Variants in PIAS2 observed in about 807,000 individuals in gnomAD.
PIAS2 encodes the protein E3 SUMO-protein ligase PIAS2.
Under a neutral mutation model 69.7 loss-of-function variants are expected in PIAS2, and 19 were observed. The ratio of observed to expected loss-of-function variants is 0.27; its 90% confidence interval spans 0.19 to 0.40. PIAS2 has a LOEUF of 0.40. Among genes scored for constraint, PIAS2 ranks in the 10% least tolerant of loss-of-function variants. The probability of loss-of-function intolerance (pLI) is 1.00; values close to 1 mark genes in which losing one functional copy is unlikely to be tolerated. For synonymous variants in PIAS2, 261 were observed against 263.2 expected (o/e 0.99, Z 0.08); for missense variants, 624 against 757.0 (o/e 0.82, Z 2.06).
At chr18:46,864,321 G>C in intron 2 of PIAS2, 73 bp from the exon 3 acceptor site, 1 of 999,298 alleles carries the variant, frequency 1.0e-6, no homozygotes. Flanking sequence ...GCAATAACCA[G>C]GCATTTTTTA....
chr18:46,898,288 C>T (rs1014967114), intron 1 of PIAS2, among the ~76,000 whole-genome samples: 8 of 152,180 alleles, frequency 5.3e-5, no homozygotes, highest in African/African-American at 1.7e-4. Context: ...CTTGGGATTA[C>T]TGGCACACAC....
At chr18:46,820,810 G>A (rs893584759) in intron 12 of PIAS2, 123 bp downstream of exon 12, 12 of 785,436 alleles carry the variant, frequency 1.5e-5, no homozygotes, top group Admixed American at 8.9e-5. Context: ...ACCTTTACCC[G>A]AAGCTTTCAA....
chr18:46,852,972 T>G (rs1468208486), intron 5 of PIAS2: 1 of 151,980 alleles, frequency 6.6e-6, no homozygotes, highest in Non-Finnish European at 1.5e-5. Context: ...GCAATGAGAG[T>G]CAAAGGTCAA....
chr18:46,825,007 TA>T (rs543217727), intron 11 of PIAS2, among the ~76,000 whole-genome samples: 11,063 of 138,174 alleles, frequency 0.08, 396 homozygotes, highest in Non-Finnish European at 0.091. Context: ...CTCAAAAAAT[TA>T]AAAAAAAAAA....
At chr18:46,817,489 G>T in intron 12 of PIAS2, 1 of 946,844 alleles carries the variant, frequency 1.1e-6, no homozygotes, top group Non-Finnish European at 1.3e-6. Context: ...CAGTTCTTCA[G>T]ATGTACTGTA....
At chr18:46,828,788 A>ATGTT (rs879599815) in intron 10 of PIAS2, among the ~76,000 whole-genome samples, 15 of 152,240 alleles carry the variant, frequency 9.9e-5, no homozygotes, top group Admixed American at 9.8e-4. Flanking sequence ...CATATTTGTT[A>ATGTT]ACTCACATTT....
chr18:46,850,995 A>C (rs1332328814), intron 5 of PIAS2, among the ~76,000 whole-genome samples: 2 of 152,226 alleles, frequency 1.3e-5, no homozygotes, highest in Non-Finnish European at 2.9e-5. Context: ...AGTCTACTAT[A>C]ATCATTATTC....
intron 3 of PIAS2, among the ~76,000 whole-genome samples, chr18:46,861,256 A>G (rs1047115454): frequency 6.6e-6 from 1 of 152,192 alleles, no homozygotes; most frequent in African/African-American, 2.4e-5. Context: ...AAACAAACAA[A>G]ATGAATGAAT....
chr18:46,907,969 G>A (rs1568889004), intron 1 of PIAS2: 1 of 152,180 alleles, frequency 6.6e-6, no homozygotes, highest in Non-Finnish European at 1.5e-5. Context: ...GCTTTTGGAA[G>A]AATGAGGTGA....
chr18:46,855,997 GTTT>G (rs1171297653), intron 3 of PIAS2, among the ~76,000 whole-genome samples: 3 of 67,966 alleles, frequency 4.4e-5, no homozygotes, highest in African/African-American at 1.2e-4. Context: ...TTTTTCTTTT[GTTT>G]TTTTTTTTTT....
Position 46,890,922 on chromosome 18 carries a change from C to G in PIAS2, c.157G>C (p.Val53Leu), listed in dbSNP as rs1238909452. The G allele has an allele frequency of 1.9e-6, 3 of 1,614,190 alleles. No individual in the cohort carries two copies. The highest frequency in any genetic ancestry group is 2.5e-6 in the Non-Finnish European group (3 of 1,180,018). ...TACAATTCTCGGATTTTAATCTGAA[C>G]CGCAGGGCTGCAGCCGCTCTTCAAT... The part of the protein sequence containing the change: ...HLLKSGCSPA[V>L]QIKIRELYRR... Residue 53 changes from valine to leucine, a missense_variant, in exon 2 of 14, where the codon GTT becomes CTT. By Grantham distance (32) the Val-to-Leu change is conservative. Around this residue, in one of 3 missense-constraint regions of PIAS2, gnomAD observed 339 missense variants for 408.8 expected, o/e 0.83. Transcript: ENST00000585916.
intron 2 of PIAS2, among the ~76,000 whole-genome samples, chr18:46,869,922 T>C (rs2050074438): frequency 6.6e-6 from 1 of 152,090 alleles, no homozygotes; most frequent in South Asian, 2.1e-4. Flanking sequence ...CTATAGGAAG[T>C]AAGCCAGAAA....
chr18:46,868,309 T>C lies in PIAS2; in HGVS notation c.500-4061A>G, dbSNP rs527732783. On this transcript the variant is annotated intron_variant, in intron 2 of 13. Coordinates refer to ENST00000585916, the MANE Select transcript of PIAS2 (RefSeq NM_004671.5). ...GCTATCTGCTCTGTAAACAACTACT[T>C]CTGCCAGTCCCAATCTGTAACTCAC... Among the ~76,000 whole-genome samples, 6 of 152,310 alleles carry C rather than the reference T, an allele frequency of 3.9e-5. No individual in the cohort carries two copies. The South Asian group carries it at 1.2e-3, about 32-fold the overall frequency.
Position 46,820,915 on chromosome 18 carries a change from CA to C in PIAS2, c.1648+17del. 6.3e-7 allele frequency: 1 copy of C among 1,582,402 alleles called. No homozygotes were observed. The highest frequency in any genetic ancestry group is 8.6e-7 in the Non-Finnish European group (1 of 1,166,984). On this transcript the variant is annotated intron_variant, in intron 12 of 13. Transcript: ENST00000585916. ...AACTTTCATTAAAAAACAAAAGAAA[CA>C]AAAACACTCCACATACCTGGCAAAT...
intron 2 of PIAS2, among the ~76,000 whole-genome samples, chr18:46,887,818 G>A (rs72913063): frequency 0.041 from 6,241 of 152,268 alleles, 173 homozygotes; most frequent in Non-Finnish European, 0.065. Context: ...TCACACGGAA[G>A]CAATCTGATT....
Position 46,821,076 on chromosome 18 carries a change from T to C in PIAS2, c.1509-4A>G. 1 of 1,612,942 alleles carries C rather than the reference T, an allele frequency of 6.2e-7. No homozygotes were observed. The highest frequency in any genetic ancestry group is 8.5e-7 in the Non-Finnish European group (1 of 1,179,354). ...AGATGGCTGATACATGAGAACCCTG[T>C]TTTAAATAGCACGGGAAATTACAAA... On this transcript the variant is annotated splice_region_variant and splice_polypyrimidine_tract_variant and intron_variant, in intron 11 of 13. Transcript: ENST00000585916.
Position 46,869,865 on chromosome 18 carries a change from T to C in PIAS2, c.500-5617A>G, listed in dbSNP as rs370883274. Among the ~76,000 whole-genome samples, 97 of 152,276 alleles carry C rather than the reference T, an allele frequency of 6.4e-4. 3 individuals are homozygous for C. Among genetic ancestry groups the C allele is most frequent in the Admixed American group, 1.8e-3 (27 of 15,308 alleles). ...CCATCTCCCAGGAGGAAATAGATTATGCCCTGTATTGGCAGCAGGGACCCA... is the reference window on the plus strand; with the variant it reads ...CCATCTCCCAGGAGGAAATAGATTACGCCCTGTATTGGCAGCAGGGACCCA... On this transcript the variant is annotated intron_variant, in intron 2 of 13. Transcript: ENST00000585916.
chr18:46,861,553 A>C (rs1232021752), intron 3 of PIAS2, among the ~76,000 whole-genome samples: 1 of 151,924 alleles, frequency 6.6e-6, no homozygotes, highest in Non-Finnish European at 1.5e-5. Context: ...GATCAAGGTT[A>C]ACATCACCAA....
At chr18:46,824,381 T>A (rs925731128) in intron 11 of PIAS2, among the ~76,000 whole-genome samples, 1 of 152,234 alleles carries the variant, frequency 6.6e-6, no homozygotes, top group South Asian at 2.1e-4. Context: ...ATCCTTATTA[T>A]GTTTCCTGTC....
Sources: gnomAD v4.1 joint callset for allele counts (sites outside exome capture counted in the v4.1 genomes callset) on GRCh38, gnomAD v4.1.1 for gene constraint, gnomAD v4.1.1 regional missense constraint, MANE v1.5 for transcripts, NCBI Gene and HGNC (gene_info 2026-07-23, HGNC 2026-07-21) for gene names.